The following PRKN variants were observed in gnomAD, a reference collection of about 807,000 sequenced individuals.
PRKN encodes the protein parkin RBR E3 ubiquitin protein ligase, also known as E3 ubiquitin-protein ligase parkin.
PRKN carries 56 observed loss-of-function variants against 59.5 expected under a neutral mutation model. The ratio of observed to expected loss-of-function variants is 0.94; its 90% CI spans 0.76 to 1.18. The LOEUF (loss-of-function observed/expected upper bound fraction) is 1.18, where lower values mean the gene tolerates loss of function less well. Ranked by LOEUF, PRKN falls within the 50% of genes most tolerant of loss-of-function variation. The pLI is 0.00. For synonymous variants in PRKN, 250 were observed against 222.1 expected (o/e 1.13, Z -1.12); for missense variants, 657 against 596.4 (o/e 1.10, Z -1.06).
intron 6 of PRKN, among the ~76,000 whole-genome samples, chr6:161,797,861 T>C (rs1790915352): frequency 6.6e-6 from 1 of 152,186 alleles, no homozygotes; most frequent in South Asian, 2.1e-4. Context: ...TCCCAAAGTA[T>C]TTTCCAAAAT....
At chr6:161,519,223 C>T (rs1778729331) in intron 9 of PRKN, among the ~76,000 whole-genome samples, 1 of 152,164 alleles carries the variant, frequency 6.6e-6, no homozygotes, top group Admixed American at 6.5e-5. Flanking sequence ...GTGGATGGTG[C>T]TGTTCAAGGT....
chr6:162,204,760 G>T (rs1021800891), intron 3 of PRKN, among the ~76,000 whole-genome samples: 1 of 150,278 alleles, frequency 6.7e-6, no homozygotes, highest in Admixed American at 6.6e-5. Flanking sequence ...AGTGTACTGA[G>T]TTCAGGGCCC....
chr6:162,536,406 A>G (rs1412041286), intron 1 of PRKN, among the ~76,000 whole-genome samples: 1 of 152,182 alleles, frequency 6.6e-6, no homozygotes, highest in Non-Finnish European at 1.5e-5. Context: ...CAATGTTTCC[A>G]GTTCCTTTGG....
At chr6:161,633,547 G>A (rs570999203) in intron 7 of PRKN, among the ~76,000 whole-genome samples, 49 of 152,284 alleles carry the variant, frequency 3.2e-4, no homozygotes, top group African/African-American at 1.1e-3. Flanking sequence ...AATATCACGA[G>A]GATTTTGTAA....
intron 9 of PRKN, among the ~76,000 whole-genome samples, chr6:161,426,934 T>C (rs530266611): frequency 6.6e-6 from 1 of 152,232 alleles, no homozygotes; most frequent in Admixed American, 6.5e-5. Context: ...TTAGCCAGGA[T>C]GGTCTCGATC....
chr6:162,028,646 GA>G (rs1783525647), intron 5 of PRKN, among the ~76,000 whole-genome samples: 1 of 152,208 alleles, frequency 6.6e-6, no homozygotes, highest in African/African-American at 2.4e-5. Flanking sequence ...CTACAAAATG[GA>G]GCAGTGAATG....
In PRKN at chr6:161,467,066, T is replaced by C. The variant is rs1790514148; in HGVS notation, c.1084-80189A>G. 1.3e-5 allele frequency among the ~76,000 whole-genome samples: 2 copies of C among 152,230 alleles called. No individual in the cohort carries two copies. Among genetic ancestry groups the C allele is most frequent in the Admixed American group, 1.3e-4 (2 of 15,284 alleles). ...GAAACCAGGATTGTTTGCCACTGAT[T>C]TCATTTTCTTCTCACTGTTGCCTCT... is the stretch of plus-strand genomic sequence containing the variant. On this transcript the variant is annotated intron_variant, in intron 9 of 11. Coordinates refer to ENST00000366898, the MANE Select transcript of PRKN (RefSeq NM_004562.3). The surrounding 1 kb of genome is among the most constrained non-coding windows in gnomAD (Gnocchi z 4.3).
intron 6 of PRKN, among the ~76,000 whole-genome samples, chr6:161,963,395 G>A (rs1483086126): frequency 2.0e-5 from 3 of 152,232 alleles, no homozygotes; most frequent in African/African-American, 7.2e-5. Context: ...AAGCTCTGCT[G>A]ACGCAGCTGC....
chr6:162,171,555 A>C (rs143192082), intron 4 of PRKN, among the ~76,000 whole-genome samples: 1 of 152,096 alleles, frequency 6.6e-6, no homozygotes, highest in African/African-American at 2.4e-5. Context: ...TAATATATGC[A>C]ATGCTGAGAA....
intron 1 of PRKN, among the ~76,000 whole-genome samples, chr6:162,659,064 ACT>A (rs1462739828): frequency 6.6e-6 from 1 of 152,202 alleles, no homozygotes; most frequent in African/African-American, 2.4e-5. Context: ...TCAAAGTATA[ACT>A]TTTTATGGAT....
intron 7 of PRKN, among the ~76,000 whole-genome samples, chr6:161,756,442 GAAAAAAAAAAAAA>G (rs57399165): frequency 2.7e-5 from 2 of 74,724 alleles, no homozygotes; most frequent in Non-Finnish European, 4.9e-5. Context: ...ACCTTGTCTC[GAAAAAAAAAAAAA>G]AAAAAAAAAA....
chr6:162,535,664 TTTGGGAGGCCGA>T (rs1356570745), intron 1 of PRKN, among the ~76,000 whole-genome samples: 1 of 152,064 alleles, frequency 6.6e-6, no homozygotes, highest in African/African-American at 2.4e-5. Context: ...ATCCCAGCAC[TTTGGGAGGCCGA>T]GGTGGGCAGA....
At chr6:161,516,016 A>G (rs576613) in intron 9 of PRKN, among the ~76,000 whole-genome samples, 84,774 of 152,074 alleles carry the variant, frequency 0.56, 24,218 homozygotes, top group Middle Eastern at 0.65. Flanking sequence ...GCCTATAATT[A>G]TTAAAAATAA....
rs1699805659 is a variant in PRKN, at chr6:162,633,803, AG to A, written c.7+93858del. 2.6e-5 allele frequency among the ~76,000 whole-genome samples: 4 copies of A among 152,218 alleles called. No homozygotes were observed. The South Asian group carries it at 8.3e-4, about 32-fold the overall frequency. ...GATGGCAGGATGAAGCGAGGGAGGG[AG>A]GAACGTGTGTAGCTAGATGAGCTAA... On this transcript the variant is annotated intron_variant, in intron 1 of 11. Transcript: ENST00000366898.
chr6:161,423,660 T>C lies in PRKN; in HGVS notation c.1084-36783A>G, dbSNP rs1788204722. On this transcript the variant is annotated intron_variant, in intron 9 of 11. Coordinates refer to ENST00000366898, the MANE Select transcript of PRKN (RefSeq NM_004562.3). This position sits in a 1 kb window ranked among gnomAD's most constrained non-coding sequence, Gnocchi z 5.9. ...GCTGCCTCTTTCTGGAAGCTTCCTCTGCACACTCTAGCTACAGCAGGGCCT... is the reference window on the plus strand; with the variant it reads ...GCTGCCTCTTTCTGGAAGCTTCCTCCGCACACTCTAGCTACAGCAGGGCCT... Among the ~76,000 whole-genome samples, 3 of 152,218 alleles carry C rather than the reference T, an allele frequency of 2.0e-5. No homozygotes were observed. Among genetic ancestry groups the C allele is most frequent in the South Asian group, 2.1e-4 (1 of 4,830 alleles).
intron 7 of PRKN, among the ~76,000 whole-genome samples, chr6:161,681,978 A>G (rs1027961428): frequency 2.0e-5 from 3 of 152,224 alleles, no homozygotes; most frequent in African/African-American, 7.2e-5. Context: ...CAGTTCCCCA[A>G]GTCTCCTGGA....
At chr6:162,498,736 A>T (rs1327442703) in intron 1 of PRKN, among the ~76,000 whole-genome samples, 1 of 151,962 alleles carries the variant, frequency 6.6e-6, no homozygotes, top group Non-Finnish European at 1.5e-5. Context: ...CCTAATGTGT[A>T]TCCATGAAAG....
chr6:161,885,631 C>T (rs1385936349), intron 6 of PRKN, among the ~76,000 whole-genome samples: 2 of 148,118 alleles, frequency 1.4e-5, no homozygotes, highest in Non-Finnish European at 3.0e-5. Context: ...CACCACTGCA[C>T]TCCAGCCTGG....
intron 2 of PRKN, among the ~76,000 whole-genome samples, chr6:162,340,822 G>A (rs951906315): frequency 6.6e-6 from 1 of 152,124 alleles, no homozygotes; most frequent in Non-Finnish European, 1.5e-5. Flanking sequence ...AACCCCAGAA[G>A]AAAACCTAGG....
Sources: gnomAD v4.1 joint callset for allele counts (sites outside exome capture counted in the v4.1 genomes callset) on GRCh38, gnomAD v4.1.1 for gene constraint, Gnocchi (gnomAD v3.1) non-coding constraint, MANE v1.5 for transcripts, NCBI Gene and HGNC (gene_info 2026-07-23, HGNC 2026-07-21) for gene names.